C1GALT1: variants seen among roughly 807,000 people sequenced by gnomAD.
C1GALT1 encodes core 1 synthase, glycoprotein-N-acetylgalactosamine 3-beta-galactosyltransferase 1.
In C1GALT1, 11 loss-of-function variants were observed where a neutral mutation model predicts 31.0. The ratio of observed to expected loss-of-function variants is 0.36; its 90% CI spans 0.22 to 0.59. The LOEUF (loss-of-function observed/expected upper bound fraction) is 0.59. Among genes scored for constraint, C1GALT1 ranks in the 20% least tolerant of loss-of-function variants. The pLI is 0.79. For missense variants in C1GALT1, 424 were observed against 425.2 expected, an observed-to-expected ratio of 1.00 and a Z score of 0.03; for synonymous variants, 175 against 143.6, an observed-to-expected ratio of 1.22 and a Z score of -1.56.
rs1321527249 is a variant in C1GALT1 at position 7,244,981 on chromosome 7, T to C, written c.*1254T>C. ...ACAATGCAGAATACCTAGTCAAGAC[T>C]GTCATCAAAAACATTCACAAATGTT... On this transcript the variant is annotated 3_prime_UTR_variant, in exon 4 of 4. Coordinates refer to ENST00000436587, the MANE Select transcript of C1GALT1 (RefSeq NM_020156.5). 1 of 152,250 alleles carries C rather than the reference T, an allele frequency of 6.6e-6. No homozygotes were observed. The highest frequency in any genetic ancestry group is 2.4e-5 in the African/African-American group (1 of 41,470). 9.4% of individuals were successfully genotyped at this position (152,250 alleles called of 1,614,324 possible). A position where few individuals can be genotyped will look rare whatever the true frequency, so the allele number is the denominator to read the frequency against.
At chr7:7,233,308 G>T (rs1562593455) in intron 1 of C1GALT1, among the ~76,000 whole-genome samples, 1 of 151,980 alleles carries the variant, frequency 6.6e-6, no homozygotes, top group Non-Finnish European at 1.5e-5. Context: ...CTTTTGCCCA[G>T]GCTGGAGTTG....
intron 3 of C1GALT1, 87 bp downstream of exon 3, chr7:7,239,009 T>C (rs1361560869): frequency 2.8e-6 from 3 of 1,070,346 alleles, no homozygotes; most frequent in Non-Finnish European, 4.0e-6. Flanking sequence ...TATGTTTCTT[T>C]AGTACCAACA....
chr7:7,167,032 C>G (rs1343886987), intron 2 of C1GALT1, among the ~76,000 whole-genome samples: 2 of 152,160 alleles, frequency 1.3e-5, no homozygotes, highest in African/African-American at 2.4e-5. Context: ...AGGGCATGCC[C>G]TGATTGGACA....
intron 2 of C1GALT1, among the ~76,000 whole-genome samples, chr7:7,168,707 A>G (rs745527253): frequency 3.3e-4 from 50 of 152,258 alleles, no homozygotes; most frequent in Non-Finnish European, 6.0e-4. Context: ...ACAACTAAGC[A>G]TACTTTAATT....
At chr7:7,225,045 G>A (rs552372101) in intron 1 of C1GALT1, among the ~76,000 whole-genome samples, 3 of 116,908 alleles carry the variant, frequency 2.6e-5, no homozygotes, top group Non-Finnish European at 5.3e-5. Context: ...AGTTACAAGT[G>A]AGAACTAATA....
chr7:7,221,486 TTTTC>T (rs1297594274), intron 1 of C1GALT1, among the ~76,000 whole-genome samples: 1 of 151,980 alleles, frequency 6.6e-6, no homozygotes, highest in Non-Finnish European at 1.5e-5. Context: ...CTGTTTGTCT[TTTTC>T]TTTCTTATCA....
chr7:7,183,227 C>T (rs1583737550), intron 1 of C1GALT1, among the ~76,000 whole-genome samples: 1 of 151,942 alleles, frequency 6.6e-6, no homozygotes, highest in African/African-American at 2.4e-5. Context: ...TCCCTCCTCC[C>T]GGGCCCTCCC....
chr7:7,241,824 T>C (rs1783642222), intron 3 of C1GALT1, among the ~76,000 whole-genome samples: 1 of 152,022 alleles, frequency 6.6e-6, no homozygotes, highest in Admixed American at 6.6e-5. Context: ...CTAATAATTA[T>C]AGCTTTTTAC....
rs538985711 is a variant in C1GALT1 at position 7,198,881 on chromosome 7, T to C, written c.-18+16061T>C. 9.8e-5 allele frequency among the ~76,000 whole-genome samples: 15 copies of C among 152,332 alleles called. 1 individual carries two copies. Among genetic ancestry groups the C allele is most frequent in the South Asian group, 4.1e-4 (2 of 4,830 alleles). ...TATTTCTGTGGGATCGGTGGTGATA[T>C]GCCCTTTATCATTTTTTATTGCATC... On this transcript the variant is annotated intron_variant, in intron 1 of 3. Coordinates refer to ENST00000436587, the MANE Select transcript of C1GALT1 (RefSeq NM_020156.5).
At chr7:7,226,180 T>G (rs1288552570) in intron 1 of C1GALT1, among the ~76,000 whole-genome samples, 6 of 152,134 alleles carry the variant, frequency 3.9e-5, no homozygotes, top group Non-Finnish European at 7.4e-5. Context: ...ACTGTAAGAT[T>G]TATATCACTT....
intron 1 of C1GALT1, among the ~76,000 whole-genome samples, chr7:7,232,636 C>T (rs1249893699): frequency 3.3e-5 from 5 of 152,060 alleles, no homozygotes; most frequent in Admixed American, 1.3e-4. Flanking sequence ...ATTACAGGCA[C>T]GTACCACAAC....
At chr7:7,216,134 G>T (rs1375927345) in intron 1 of C1GALT1, among the ~76,000 whole-genome samples, 1 of 152,154 alleles carries the variant, frequency 6.6e-6, no homozygotes, top group Non-Finnish European at 1.5e-5. Context: ...AAGTTCTGAG[G>T]TTAAGGAAGT....
intron 2 of C1GALT1, among the ~76,000 whole-genome samples, chr7:7,177,328 C>T (rs1267684887): frequency 3.9e-5 from 6 of 152,182 alleles, no homozygotes; most frequent in Non-Finnish European, 5.9e-5. Context: ...AAGCCTTCCC[C>T]TGTGTGCCCT....
At chr7:7,229,675 A>G (rs896019343) in intron 1 of C1GALT1, among the ~76,000 whole-genome samples, 46 of 152,318 alleles carry the variant, frequency 3.0e-4, no homozygotes, top group African/African-American at 1.1e-3. Flanking sequence ...TTTCAGAACA[A>G]TCACTTAAGA....
chr7:7,220,697 T>G (rs1420332805), intron 1 of C1GALT1, among the ~76,000 whole-genome samples: 1 of 150,820 alleles, frequency 6.6e-6, no homozygotes, highest in African/African-American at 2.5e-5. Context: ...GATTTTTGTA[T>G]TTTTAGTAGA....
At chr7:7,191,869 A>T (rs1781088954) in intron 1 of C1GALT1, among the ~76,000 whole-genome samples, 1 of 152,092 alleles carries the variant, frequency 6.6e-6, no homozygotes, top group Non-Finnish European at 1.5e-5. Context: ...TTTGGATACT[A>T]ATCTCTTATC....
At chr7:7,227,158 A>G (rs1782802783) in intron 1 of C1GALT1, among the ~76,000 whole-genome samples, 1 of 152,142 alleles carries the variant, frequency 6.6e-6, no homozygotes, top group Admixed American at 6.5e-5. Context: ...TTTATTTCCT[A>G]TAAATTCAAA....
In C1GALT1 at chr7:7,182,659, G is replaced by T. The variant is rs1780634325; in HGVS notation, c.-179G>T. 1 of 359,866 alleles carries T rather than the reference G, an allele frequency of 2.8e-6. No individual in the cohort carries two copies. Among genetic ancestry groups the T allele is most frequent in the East Asian group, 1.7e-4 (1 of 5,996 alleles). The allele number at this position is 359,866 out of a possible 1,614,324, so 22.3% of individuals were successfully genotyped here. ...TGGGCCCGCCTTGGCCGCCGCCGCTGTGCTGCCGCTGCCGGGGAATAATCT... is the reference window on the plus strand; with the variant it reads ...TGGGCCCGCCTTGGCCGCCGCCGCTTTGCTGCCGCTGCCGGGGAATAATCT... On this transcript the variant is annotated 5_prime_UTR_variant, in exon 1 of 4. Transcript: ENST00000436587.
chr7:7,212,326 G>A (rs781704787), intron 1 of C1GALT1, among the ~76,000 whole-genome samples: 5 of 152,158 alleles, frequency 3.3e-5, no homozygotes, highest in African/African-American at 7.2e-5. Context: ...TTGGCTCTGC[G>A]TGTCAAGCTT....
Sources: gnomAD v4.1 joint callset for allele counts (sites outside exome capture counted in the v4.1 genomes callset) on GRCh38, gnomAD v4.1.1 for gene constraint, MANE v1.5 for transcripts, NCBI Gene and HGNC (gene_info 2026-07-23, HGNC 2026-07-21) for gene names.